Variants in NUP214 observed in about 807,000 individuals in gnomAD.
The protein encoded by NUP214 is nucleoporin 214.
A neutral mutation model predicts 196.2 loss-of-function variants in NUP214; 79 were observed. The ratio of observed to expected loss-of-function variants is 0.40; its 90% confidence interval spans 0.34 to 0.49. The LOEUF is 0.49. Among genes scored for constraint, NUP214 ranks in the 20% least tolerant of loss-of-function variants. The pLI is 0.58. For missense variants in NUP214, 2,468 were observed against 2,539.0 expected, an observed-to-expected ratio of 0.97 and a Z score of 0.60; for synonymous variants, 1,020 against 990.5, an observed-to-expected ratio of 1.03 and a Z score of -0.56.
chr9:131,143,532 A>G (rs962246260), intron 11 of NUP214, among the ~76,000 whole-genome samples: 1 of 152,208 alleles, frequency 6.6e-6, no homozygotes, highest in Non-Finnish European at 1.5e-5. Context: ...ATAAGGGGTT[A>G]GACATATTTA....
intron 23 of NUP214, among the ~76,000 whole-genome samples, chr9:131,176,440 C>T (rs1434829544): frequency 6.6e-6 from 1 of 151,910 alleles, no homozygotes; most frequent in Non-Finnish European, 1.5e-5. Flanking sequence ...GACCTTCCCA[C>T]CTCAGCCTCC....
intron 21 of NUP214, among the ~76,000 whole-genome samples, chr9:131,169,016 C>T (rs1234582261): frequency 7.0e-6 from 1 of 141,860 alleles, no homozygotes; most frequent in Non-Finnish European, 1.5e-5. Flanking sequence ...TGGTATTCTG[C>T]TTACTTTGTT....
chr9:131,193,744 C>A (rs983787992), intron 27 of NUP214, among the ~76,000 whole-genome samples: 4 of 142,604 alleles, frequency 2.8e-5, no homozygotes, highest in African/African-American at 7.7e-5. Context: ...CTTCACCTCC[C>A]GGGTTCAAGT....
At position 131,130,852 on chromosome 9, in the gene NUP214, G is replaced by T. The variant is rs1261110255; in HGVS notation, c.663+16G>T. ...GTATCTTCCTGTAAGTTCTTATCTT[G>T]AACTTCAGAATTTTTCTTAAGTTGC... On this transcript the variant is annotated intron_variant, in intron 5 of 35. Coordinates refer to ENST00000359428, the MANE Select transcript of NUP214 (RefSeq NM_005085.4). 1 of 1,610,934 alleles carries T rather than the reference G, an allele frequency of 6.2e-7. No homozygotes were observed. The highest frequency in any genetic ancestry group is 8.5e-7 in the Non-Finnish European group (1 of 1,177,686).
chr9:131,159,263 T>C lies in NUP214; in HGVS notation c.2437-120T>C. ...AATCGTATTAAAACCTATTCTGTTT[T>C]CCTTGTTCATTATGGTTCTTAATAT... is the stretch of plus-strand genomic sequence containing the variant. On this transcript the variant is annotated intron_variant, in intron 17 of 35. Coordinates refer to ENST00000359428, the MANE Select transcript of NUP214 (RefSeq NM_005085.4). The C allele has an allele frequency of 5.8e-6, 4 of 693,312 alleles. No individual in the cohort carries two copies. The South Asian group carries it at 7.3e-5, about 13-fold the overall frequency. 42.9% of individuals were successfully genotyped at this position (693,312 alleles called of 1,614,324 possible). A position where few individuals can be genotyped will look rare whatever the true frequency, so the allele number is the denominator to read the frequency against.
rs773725235 is a variant in NUP214, at chr9:131,150,764, A to G, written c.2276A>G (p.Glu759Gly). Residue 759 changes from glutamate (E) to glycine (G), a missense_variant and splice_region_variant, in exon 16 of 36, where the codon GAG becomes GGG. Physicochemically the swap from Glu to Gly is moderately conservative, Grantham distance 98 (BLOSUM62 -2). This residue lies in a region of NUP214 where 1,801 missense variants were observed against 1,779.4 expected (regional missense o/e 1.01). Coordinates refer to ENST00000359428, the MANE Select transcript of NUP214 (RefSeq NM_005085.4). ...CTTTTGGAGATTAAAGAGACCACAG[A>G]GGTTTGTGTTTATGGATACTTTTCC... ...TFLLEIKETT[E>G]SLHGDISSLK... 23 of 1,602,908 alleles carry G rather than the reference A, an allele frequency of 1.4e-5. No individual in the cohort carries two copies. Among genetic ancestry groups the G allele is most frequent in the Non-Finnish European group, 2.0e-5 (23 of 1,177,054 alleles).
intron 30 of NUP214, among the ~76,000 whole-genome samples, chr9:131,211,145 T>A (rs542694724): frequency 6.6e-6 from 1 of 152,328 alleles, no homozygotes; most frequent in South Asian, 2.1e-4. Context: ...GCTGTGTTCA[T>A]GGAGCCTCCA....
chr9:131,174,068 A>G lies in NUP214; in HGVS notation c.2907A>G (p.Arg969=). ...VRSTAPASLS[R]SAFLSQRYYE... Reference sequence around the variant, plus strand: ...GGGCTTTTGTAGCCAGCCTGTCTCGATCAGCCTTTCTGTCTCAGAGATATT... The same window carrying G: ...GGGCTTTTGTAGCCAGCCTGTCTCGGTCAGCCTTTCTGTCTCAGAGATATT... The change falls in exon 22 of 36, where the codon CGA becomes CGG. Residue 969 remains arginine (R), a synonymous_variant. Coordinates refer to ENST00000359428, the MANE Select transcript of NUP214 (RefSeq NM_005085.4). 3 of 1,612,866 alleles carry G rather than the reference A, an allele frequency of 1.9e-6. No individual in the cohort carries two copies. The highest frequency in any genetic ancestry group is 1.1e-5 in the South Asian group (1 of 90,774).
chr9:131,185,805 A>AT (rs1253506090), intron 24 of NUP214, among the ~76,000 whole-genome samples: 2 of 152,120 alleles, frequency 1.3e-5, no homozygotes, highest in Non-Finnish European at 2.9e-5. Context: ...GTGAATCCTA[A>AT]TTTTGTGTAT....
intron 27 of NUP214, 27 bp downstream of exon 27, chr9:131,192,319 C>T: frequency 3.0e-6 from 4 of 1,350,536 alleles, no homozygotes; most frequent in Non-Finnish European, 3.1e-6. Context: ...AGTTTTATGG[C>T]AAATTACTAG....
chr9:131,150,229 G>A, intron 14 of NUP214, 95 bp from the exon 15 acceptor site: 2 of 961,116 alleles, frequency 2.1e-6, no homozygotes, highest in East Asian at 2.5e-5. Context: ...AATAATGACT[G>A]TGTTACAGGA....
At chr9:131,134,152 C>T (rs759879186) in intron 7 of NUP214, among the ~76,000 whole-genome samples, 2 of 152,140 alleles carry the variant, frequency 1.3e-5, no homozygotes, top group Non-Finnish European at 2.9e-5. Context: ...TGCTTTGTTG[C>T]CCACGCTGGT....
chr9:131,192,944 A>G (rs1833651635), intron 27 of NUP214, among the ~76,000 whole-genome samples: 1 of 135,896 alleles, frequency 7.4e-6, no homozygotes, highest in African/African-American at 2.9e-5. Flanking sequence ...CCGTCTCCAA[A>G]AAAAAAAAAA....
intron 23 of NUP214, among the ~76,000 whole-genome samples, chr9:131,176,965 GAC>G (rs2131004950): frequency 6.6e-6 from 1 of 152,166 alleles, no homozygotes; most frequent in African/African-American, 2.4e-5. Flanking sequence ...AAATGCATAA[GAC>G]ACCCCCACAA....
At chr9:131,167,914 T>C (rs1832833323) in intron 21 of NUP214, among the ~76,000 whole-genome samples, 1 of 152,244 alleles carries the variant, frequency 6.6e-6, no homozygotes, top group Non-Finnish European at 1.5e-5. Context: ...AAACAGACTC[T>C]TGCTCTGTTG....
At chr9:131,212,916 A>C (rs1219792249) in intron 30 of NUP214, among the ~76,000 whole-genome samples, 1 of 152,142 alleles carries the variant, frequency 6.6e-6, no homozygotes, top group Non-Finnish European at 1.5e-5. Context: ...AGCATTGTTG[A>C]ATCTGGCTGA....
At chr9:131,130,703 TGATA>T in intron 4 of NUP214, 59 bp from the exon 5 acceptor site, 1 of 1,372,360 alleles carries the variant, frequency 7.3e-7, no homozygotes, top group Non-Finnish European at 1.0e-6. Context: ...TAGCTGTGTG[TGATA>T]GATCTTATTG....
intron 11 of NUP214, among the ~76,000 whole-genome samples, chr9:131,141,138 CA>C (rs5900924): frequency 6.4e-4 from 85 of 132,570 alleles, no homozygotes; most frequent in Middle Eastern, 4.1e-3. Flanking sequence ...AATACATCAC[CA>C]AAAAAAAAAA....
chr9:131,227,404 A>G (rs544930204), intron 32 of NUP214, among the ~76,000 whole-genome samples: 13 of 152,304 alleles, frequency 8.5e-5, no homozygotes, highest in African/African-American at 3.1e-4. Context: ...AGATTTATGC[A>G]GCAGCCTGCC....
Sources: gnomAD v4.1 joint callset for allele counts (sites outside exome capture counted in the v4.1 genomes callset) on GRCh38, gnomAD v4.1.1 for gene constraint, gnomAD v4.1.1 regional missense constraint, MANE v1.5 for transcripts, NCBI Gene and HGNC (gene_info 2026-07-23, HGNC 2026-07-21) for gene names.